The following SERBP1 variants were observed in gnomAD, a reference collection of about 807,000 sequenced individuals.
SERBP1 encodes SERPINE1 mRNA-binding protein 1.
SERBP1 carries 6 observed loss-of-function variants against 50.2 expected under a neutral mutation model. The observed-to-expected ratio is 0.12, with a 90% confidence interval of 0.07 to 0.24. The LOEUF is 0.24. Among genes scored for constraint, SERBP1 ranks in the 10% least tolerant of loss-of-function variants. SERBP1 has a pLI of 1.00. For missense variants in SERBP1, 346 were observed against 524.9 expected (o/e 0.66, Z 3.33); for synonymous variants, 168 against 182.8 (o/e 0.92, Z 0.65).
rs537524508 is a variant in SERBP1, at chr1:67,424,622, T to C, written c.695+266A>G. Among the ~76,000 whole-genome samples the C allele has an allele frequency of 1.1e-4, 16 of 152,210 alleles. No homozygotes were observed. In the South Asian group the frequency reaches 2.1e-3, roughly 20 times the overall value. ...ATTAAGGACACTAAGATAATCAGAA[T>C]ACCCAAATAACCTTATTGTGGGGTT... On this transcript the variant is annotated intron_variant, in intron 4 of 7. Coordinates refer to ENST00000361219, the MANE Select transcript of SERBP1 (RefSeq NM_001018069.2).
At position 67,410,878 on chromosome 1, in the gene SERBP1, G is replaced by C. The variant is rs1332258725; in HGVS notation, c.*2329C>G. On this transcript the variant is annotated 3_prime_UTR_variant, in exon 8 of 8. Transcript: ENST00000361219. ...TCCCAATTAAGTCATTAGTCATTAA[G>C]ATAAGTACCCTTCCCAAATGTGATT... The C allele has an allele frequency of 6.6e-6, 1 of 152,070 alleles. No homozygotes were observed. The highest frequency in any genetic ancestry group is 2.4e-5 in the African/African-American group (1 of 41,410). 9.4% of individuals were successfully genotyped at this position (152,070 alleles called of 1,614,324 possible). A position where few individuals can be genotyped will look rare whatever the true frequency, so the allele number is the denominator to read the frequency against.
chr1:67,427,220 G>A (rs1283259927), intron 1 of SERBP1, among the ~76,000 whole-genome samples: 38 of 152,186 alleles, frequency 2.5e-4, no homozygotes, highest in Admixed American at 2.5e-3. Context: ...GTGACACTAA[G>A]TGATAGCTGA....
chr1:67,425,456 A>G (rs1014921066), intron 2 of SERBP1, among the ~76,000 whole-genome samples: 2 of 152,260 alleles, frequency 1.3e-5, no homozygotes, highest in East Asian at 3.8e-4. Context: ...CTACCAGTGC[A>G]TATACTTTTC....
chr1:67,429,232 CGA>C (rs1448363126), intron 1 of SERBP1, among the ~76,000 whole-genome samples: 1 of 152,136 alleles, frequency 6.6e-6, no homozygotes, highest in African/African-American at 2.4e-5. Flanking sequence ...TTTGGGGAGT[CGA>C]GAGAGAGGAT....
intron 6 of SERBP1, among the ~76,000 whole-genome samples, chr1:67,415,713 TTGA>T (rs1666981771): frequency 6.6e-6 from 1 of 152,196 alleles, no homozygotes; most frequent in Admixed American, 6.5e-5. Flanking sequence ...ATGTGAATCC[TTGA>T]TGAAGACCTC....
intron 5 of SERBP1, among the ~76,000 whole-genome samples, chr1:67,423,686 G>C (rs1557505772): frequency 6.6e-6 from 1 of 151,638 alleles, no homozygotes; most frequent in South Asian, 2.1e-4. Context: ...AAACAGGCCA[G>C]TAATGCTATG....
Position 67,409,226 on chromosome 1 carries a change from A to T in SERBP1, c.*3981T>A, listed in dbSNP as rs1324643010. On this transcript the variant is annotated 3_prime_UTR_variant, in exon 8 of 8. Coordinates refer to ENST00000361219, the MANE Select transcript of SERBP1 (RefSeq NM_001018069.2). ...CTGGGTGACAGAGCCAGACTGTTTCAAAGAAACAAACTCTTGTAACCCGAG... is the reference window on the plus strand; with the variant it reads ...CTGGGTGACAGAGCCAGACTGTTTCTAAGAAACAAACTCTTGTAACCCGAG... The T allele has an allele frequency of 1.3e-5, 2 of 151,852 alleles. No homozygotes were observed. Among genetic ancestry groups the T allele is most frequent in the African/African-American group, 4.8e-5 (2 of 41,328 alleles). The allele number at this position is 151,852 out of a possible 1,614,324, so 9.4% of individuals were successfully genotyped here. A position where few individuals can be genotyped will look rare whatever the true frequency, so the allele number is the denominator to read the frequency against.
At position 67,424,930 on chromosome 1, in the gene SERBP1, C is replaced by T; in HGVS notation, c.653G>A (p.Gly218Asp). 6.2e-7 allele frequency: 1 copy of T among 1,612,736 alleles called. No individual in the cohort carries two copies. The highest frequency in any genetic ancestry group is 8.5e-7 in the Non-Finnish European group (1 of 1,179,904). The change falls in exon 4 of 8, where the codon GGT (glycine) becomes GAT (aspartate). Residue 218 changes from glycine to aspartate, a missense_variant. By Grantham distance (94) the Gly-to-Asp change is moderately conservative (BLOSUM62 -1). Coordinates refer to ENST00000361219, the MANE Select transcript of SERBP1 (RefSeq NM_001018069.2). ...SGLKHEDKRG[G>D]SGSHNWGTVK... ...AGTTCCCCAGTTGTGAGATCCGCTACCTCCACGTTTGTCCTCGTGCTTCAG... is the reference window on the plus strand; with the variant it reads ...AGTTCCCCAGTTGTGAGATCCGCTATCTCCACGTTTGTCCTCGTGCTTCAG...
At chr1:67,426,890 G>C (rs1667403439) in intron 1 of SERBP1, among the ~76,000 whole-genome samples, 1 of 152,086 alleles carries the variant, frequency 6.6e-6, no homozygotes, top group Non-Finnish European at 1.5e-5. Flanking sequence ...AGGATTATTA[G>C]AGAACATCAC....
At chr1:67,413,402 G>A (rs920289826) in intron 7 of SERBP1, 139 bp from the exon 8 acceptor site, 10 of 701,872 alleles carry the variant, frequency 1.4e-5, no homozygotes, top group East Asian at 6.8e-5. Context: ...TAATCCCAGC[G>A]CTTTGGGAGG....
intron 5 of SERBP1, 75 bp from the exon 6 acceptor site, chr1:67,420,261 T>G: frequency 8.2e-7 from 1 of 1,217,240 alleles, no homozygotes; most frequent in Non-Finnish European, 1.1e-6. Flanking sequence ...TTTATGATTT[T>G]AATTGAGAAA....
chr1:67,430,149 G>A lies in SERBP1; in HGVS notation c.152C>T (p.Ala51Val). ...GGCCGCGGCCTGAGCTGCGCTCTTGGCCCCAGGGCCCCCAACGCCGCCCCC... is the reference window on the plus strand; with the variant it reads ...GGCCGCGGCCTGAGCTGCGCTCTTGACCCCAGGGCCCCCAACGCCGCCCCC... The part of the protein sequence containing the change: ...AGGGGVGGPG[A>V]KSAAQAAAQT... Residue 51 changes from alanine (A) to valine (V), a missense_variant, in exon 1 of 8, where the codon GCC (alanine) becomes GTC (valine). By Grantham distance (64) the Ala-to-Val change is moderately conservative (BLOSUM62 0). This residue lies in a region of SERBP1 where 257 missense variants were observed against 331.2 expected (regional missense o/e 0.78). Coordinates refer to ENST00000361219, the MANE Select transcript of SERBP1 (RefSeq NM_001018069.2). 1 of 1,611,204 alleles carries A rather than the reference G, an allele frequency of 6.2e-7. No homozygotes were observed. Among genetic ancestry groups the A allele is most frequent in the Admixed American group, 1.7e-5 (1 of 59,904 alleles).
Position 67,413,081 on chromosome 1 carries a change from AGGTGTGAAT to A in SERBP1, c.*117_*125del, listed in dbSNP as rs1666891791. ...TTAAAACAGATAAAATTCAGTCTTT[AGGTGTGAAT>A]GGTATGAATGACAGTCTTTTTTTTT... On this transcript the variant is annotated 3_prime_UTR_variant, in exon 8 of 8. Transcript: ENST00000361219. 1 of 1,216,926 alleles carries A rather than the reference AGGTGTGAAT, an allele frequency of 8.2e-7. No individual in the cohort carries two copies. The highest frequency in any genetic ancestry group is 1.1e-6 in the Non-Finnish European group (1 of 901,248). The allele number at this position is 1,216,926 out of a possible 1,614,324, so 75.4% of individuals were successfully genotyped here. A position where few individuals can be genotyped will look rare whatever the true frequency, so the allele number is the denominator to read the frequency against.
At chr1:67,421,943 C>CA (rs1274377494) in intron 5 of SERBP1, among the ~76,000 whole-genome samples, 3 of 151,580 alleles carry the variant, frequency 2.0e-5, no homozygotes, top group Non-Finnish European at 2.9e-5. Context: ...CTCAAAGAAA[C>CA]AAAAAAAAGT....
In SERBP1 at chr1:67,426,120, C is replaced by T; in HGVS notation, c.464+15G>A. ...TTAGACCAAGACCCTGGCTCAAAAA[C>T]AAGAAACAACTTACCTATCAACTGA... On this transcript the variant is annotated intron_variant, in intron 2 of 7. Coordinates refer to ENST00000361219, the MANE Select transcript of SERBP1 (RefSeq NM_001018069.2). 2 of 1,597,758 alleles carry T rather than the reference C, an allele frequency of 1.3e-6. No individual in the cohort carries two copies. The highest frequency in any genetic ancestry group is 1.7e-6 in the Non-Finnish European group (2 of 1,173,680).
At position 67,415,198 on chromosome 1, in the gene SERBP1, C is replaced by T; in HGVS notation, c.1093G>A (p.Gly365Arg). 1.9e-6 allele frequency: 3 copies of T among 1,604,758 alleles called. No individual in the cohort carries two copies. The highest frequency in any genetic ancestry group is 2.5e-6 in the Non-Finnish European group (3 of 1,176,852). ...GTCCTGCTGCCACGGTTTGGGCGCC[C>T]ACCACGCCCACGTCCACCTCGTCCT... Reference protein sequence around the residue: ...RGGRGGRGRGGRPNRGSRTDK... With the variant: ...RGGRGGRGRGRRPNRGSRTDK... The change falls in exon 7 of 8, where the codon GGG becomes AGG. Residue 365 changes from glycine to arginine, a missense_variant. Around this residue, in one of 5 missense-constraint regions of SERBP1, gnomAD observed 68 missense variants for 97.3 expected, o/e 0.70. Coordinates refer to ENST00000361219, the MANE Select transcript of SERBP1 (RefSeq NM_001018069.2).
At chr1:67,424,411 T>C in intron 4 of SERBP1, 134 bp from the exon 5 acceptor site, 2 of 1,152,956 alleles carry the variant, frequency 1.7e-6, no homozygotes, top group Non-Finnish European at 2.4e-6. Context: ...AGCTCTCACA[T>C]TCTCTAACTC....
Position 67,425,286 on chromosome 1 carries a change from C to A in SERBP1, c.465-63G>T. ...CCAGAAGAAATGAGGAAAATTCATC[C>A]AAAAGATCAAAAATACAGAACATGT... On this transcript the variant is annotated intron_variant, in intron 2 of 7. Transcript: ENST00000361219. The A allele has an allele frequency of 2.1e-6, 3 of 1,427,726 alleles. No homozygotes were observed. In the South Asian group the frequency reaches 4.1e-5, roughly 20 times the overall value. 88.4% of individuals were successfully genotyped at this position (1,427,726 alleles called of 1,614,324 possible).
intron 5 of SERBP1, 64 bp from the exon 6 acceptor site, chr1:67,420,250 AT>A: frequency 1.6e-6 from 2 of 1,261,550 alleles, no homozygotes; most frequent in South Asian, 3.0e-5. Context: ...AGTATTTTAA[AT>A]TTATGATTTT....
Sources: gnomAD v4.1 joint callset for allele counts (sites outside exome capture counted in the v4.1 genomes callset) on GRCh38, gnomAD v4.1.1 for gene constraint, gnomAD v4.1.1 regional missense constraint, MANE v1.5 for transcripts, NCBI Gene and HGNC (gene_info 2026-07-23, HGNC 2026-07-21) for gene names.